Variants in SPAG16 observed in about 807,000 individuals in gnomAD.
SPAG16 encodes the protein sperm-associated antigen 16 protein.
SPAG16 carries 86 observed loss-of-function variants against 80.4 expected under a neutral mutation model. The ratio of observed to expected loss-of-function variants is 1.07; its 90% CI spans 0.90 to 1.28. SPAG16 has a LOEUF of 1.28. Ranked by LOEUF, SPAG16 falls within the 50% of genes most tolerant of loss-of-function variation. The pLI is 0.00. For synonymous variants in SPAG16, 294 were observed against 265.9 expected (o/e 1.11, Z -1.03); for missense variants, 870 against 765.3 (o/e 1.14, Z -1.61).
At chr2:213,651,324 G>A (rs925013535) in intron 10 of SPAG16, among the ~76,000 whole-genome samples, 2 of 152,166 alleles carry the variant, frequency 1.3e-5, no homozygotes, top group African/African-American at 2.4e-5. Flanking sequence ...TGGGAGAGAG[G>A]AAAGCCAAGT....
chr2:213,493,400 T>G (rs2074349963), intron 10 of SPAG16, among the ~76,000 whole-genome samples: 1 of 152,190 alleles, frequency 6.6e-6, no homozygotes, highest in African/African-American at 2.4e-5. Context: ...ATTACTAGTT[T>G]GCATTTTCAT....
chr2:213,824,072 C>A (rs908664688), intron 10 of SPAG16, among the ~76,000 whole-genome samples: 1 of 152,154 alleles, frequency 6.6e-6, no homozygotes, highest in African/African-American at 2.4e-5. Flanking sequence ...TTTAATCCAT[C>A]TTGAGTTAAT....
intron 10 of SPAG16, among the ~76,000 whole-genome samples, chr2:213,666,127 A>T (rs773529369): frequency 6.6e-6 from 1 of 152,168 alleles, no homozygotes; most frequent in Non-Finnish European, 1.5e-5. Context: ...ATGAGAATAG[A>T]TTGTGTTTCC....
chr2:214,383,434 A>T (rs1700567623), intron 15 of SPAG16, among the ~76,000 whole-genome samples: 1 of 151,930 alleles, frequency 6.6e-6, no homozygotes, highest in African/African-American at 2.4e-5. Flanking sequence ...TTAGCCGGGC[A>T]TGGTGGTGCA....
intron 10 of SPAG16, among the ~76,000 whole-genome samples, chr2:213,849,987 A>G (rs2074821055): frequency 6.6e-6 from 1 of 152,228 alleles, no homozygotes; most frequent in South Asian, 2.1e-4. Context: ...AGCACAGTAT[A>G]TATAAAACTA....
intron 14 of SPAG16, among the ~76,000 whole-genome samples, chr2:214,124,533 T>C (rs750946431): frequency 2.6e-5 from 4 of 151,896 alleles, no homozygotes; most frequent in Admixed American, 6.7e-5. Flanking sequence ...AGGGATAATG[T>C]CTAATGCATG....
intron 15 of SPAG16, among the ~76,000 whole-genome samples, chr2:214,349,341 C>T: frequency 6.6e-6 from 1 of 152,180 alleles, no homozygotes; most frequent in Admixed American, 6.5e-5. Context: ...CATATAAATG[C>T]AGTCATACAA....
At chr2:213,350,439 GAAAA>G in intron 6 of SPAG16, 85 bp from the exon 7 acceptor site, 1 of 649,066 alleles carries the variant, frequency 1.5e-6, no homozygotes, top group South Asian at 3.2e-5. Flanking sequence ...CAGCAAAAAA[GAAAA>G]AGAAAAAAAG....
chr2:214,403,658 ACTTAGAACAGTG>A (rs1187314870), intron 15 of SPAG16, among the ~76,000 whole-genome samples: 58 of 152,264 alleles, frequency 3.8e-4, no homozygotes, highest in African/African-American at 1.4e-3. Context: ...CAAGTAAAGG[ACTTAGAACAGTG>A]CTTGGCAAAT....
In SPAG16 at chr2:213,866,689, G is replaced by A. The variant is rs574172261; in HGVS notation, c.1214+4061G>A. Reference sequence around the variant, plus strand: ...GGTGCTTACAGGAAATAGTTCAAGAGGGGAACATAAAACCAACCAGGTAAA... The same window carrying A: ...GGTGCTTACAGGAAATAGTTCAAGAAGGGAACATAAAACCAACCAGGTAAA... On this transcript the variant is annotated intron_variant, in intron 11 of 15. Coordinates refer to ENST00000331683, the MANE Select transcript of SPAG16 (RefSeq NM_024532.5). Among the ~76,000 whole-genome samples, 315 of 152,174 alleles carry A rather than the reference G, an allele frequency of 2.1e-3. 1 individual carries two copies. Among genetic ancestry groups the A allele is most frequent in the Non-Finnish European group, 3.8e-3 (261 of 67,996 alleles).
chr2:213,976,135 T>TATACACACACACACACAC (rs749957411), intron 12 of SPAG16, among the ~76,000 whole-genome samples: 6 of 81,416 alleles, frequency 7.4e-5, no homozygotes, highest in African/African-American at 2.3e-4. Context: ...TATATATATA[T>TATACACACACACACACAC]ACACACACAC....
intron 15 of SPAG16, among the ~76,000 whole-genome samples, chr2:214,225,027 T>C (rs1211878937): frequency 2.0e-5 from 3 of 152,082 alleles, no homozygotes; most frequent in Admixed American, 2.0e-4. Flanking sequence ...TATTGAATAG[T>C]TGGAGAAGGG....
At chr2:213,718,149 C>CAAAAAAAAAAA (rs71063769) in intron 10 of SPAG16, among the ~76,000 whole-genome samples, 1 of 92,246 alleles carries the variant, frequency 1.1e-5, no homozygotes, top group African/African-American at 4.7e-5. Flanking sequence ...AACAAGTTTA[C>CAAAAAAAAAAA]AAAAAAAAAA....
chr2:214,296,716 G>C (rs1010770620), intron 15 of SPAG16, among the ~76,000 whole-genome samples: 1 of 152,036 alleles, frequency 6.6e-6, no homozygotes, highest in African/African-American at 2.4e-5. Flanking sequence ...CATATCCTTT[G>C]CCCACTGATA....
At chr2:213,363,035 G>A (rs2066073882) in intron 7 of SPAG16, among the ~76,000 whole-genome samples, 1 of 137,178 alleles carries the variant, frequency 7.3e-6, no homozygotes, top group African/African-American at 2.6e-5. Flanking sequence ...TAGTTGTAAG[G>A]TGATATTCTG....
intron 15 of SPAG16, among the ~76,000 whole-genome samples, 158 bp downstream of exon 15, chr2:214,149,424 CGTATAGCAT>C (rs1158513490): frequency 6.6e-6 from 1 of 151,764 alleles, no homozygotes; most frequent in African/African-American, 2.4e-5. Flanking sequence ...TTTATCATTA[CGTATAGCAT>C]GTCATATGAA....
intron 10 of SPAG16, among the ~76,000 whole-genome samples, chr2:213,573,158 A>T (rs954042271): frequency 1.3e-5 from 2 of 151,960 alleles, no homozygotes; most frequent in African/African-American, 4.8e-5. Context: ...AGTGAGATGA[A>T]CCCGGTACCT....
At chr2:213,744,099 C>G (rs1205459261) in intron 10 of SPAG16, among the ~76,000 whole-genome samples, 1 of 152,136 alleles carries the variant, frequency 6.6e-6, no homozygotes, top group African/African-American at 2.4e-5. Flanking sequence ...CTTTTGCTAC[C>G]TCCCAGAGCA....
intron 10 of SPAG16, among the ~76,000 whole-genome samples, chr2:213,649,801 G>A (rs1356132007): frequency 1.3e-5 from 2 of 151,964 alleles, no homozygotes; most frequent in African/African-American, 4.8e-5. Context: ...GGCTGGTCAC[G>A]AACTCCTGCC....
Sources: gnomAD v4.1 joint callset for allele counts (sites outside exome capture counted in the v4.1 genomes callset) on GRCh38, gnomAD v4.1.1 for gene constraint, MANE v1.5 for transcripts, NCBI Gene and HGNC (gene_info 2026-07-23, HGNC 2026-07-21) for gene names.